STS: variants seen among roughly 807,000 people sequenced by gnomAD.
STS encodes steryl-sulfatase.
A neutral mutation model predicts 26.8 loss-of-function variants in STS; 7 were observed. That is an observed-to-expected ratio of 0.26 (90% confidence interval 0.15 to 0.49). The LOEUF (loss-of-function observed/expected upper bound fraction) is 0.49. Ranked by LOEUF, STS falls within the 20% of genes least tolerant of loss-of-function variation. The pLI, the probability that STS is intolerant of heterozygous loss-of-function variation, is 0.98. For missense variants in STS, 434 were observed against 465.6 expected (o/e 0.93, Z 0.63); for synonymous variants, 199 against 189.4 (o/e 1.05, Z -0.42).
intron 6 of STS, among the ~76,000 whole-genome samples, chrX:7,261,703 C>T (rs1442275567): frequency 9.0e-6 from 1 of 111,634 alleles, no homozygotes; most frequent in Non-Finnish European, 1.9e-5. Context: ...CAGTGTCCTG[C>T]TACCCACAAC....
At chrX:7,155,015 G>A (rs2146956317) in intron 1 of STS, among the ~76,000 whole-genome samples, 1 of 112,099 alleles carries the variant, frequency 8.9e-6, no homozygotes, top group South Asian at 3.8e-4. Flanking sequence ...AACATCTGGA[G>A]GGAACAGAAA....
At chrX:7,227,918 C>T (rs756862961) in intron 2 of STS, among the ~76,000 whole-genome samples, 5 of 111,211 alleles carry the variant, frequency 4.5e-5, no homozygotes, top group African/African-American at 9.8e-5. Context: ...ACTTTTTGGT[C>T]GTATGAATTT....
At chrX:7,161,029 T>C (rs1933231452) in intron 1 of STS, among the ~76,000 whole-genome samples, 1 of 111,476 alleles carries the variant, frequency 9.0e-6, no homozygotes, top group Non-Finnish European at 1.9e-5. Context: ...GATCTCAGCT[T>C]ACCACAACCT....
In STS at chrX:7,349,907, C is replaced by G; in HGVS notation, c.1383C>G (p.Ala461=). 8.3e-7 allele frequency: 1 copy of G among 1,211,793 alleles called. No homozygotes were observed. Among genetic ancestry groups the G allele is most frequent in the Admixed American group, 2.2e-5 (1 of 46,060 alleles). The change falls in exon 11 of 11, where the codon GCC becomes GCG. Residue 461 remains alanine, a synonymous_variant. Transcript: ENST00000674429. ...HPQNSTSIWK[A]FFFTPNFNPV... ...CCACAGGCACATCCATCTGGAAGGC[C>G]TTTTTCTTCACCCCCAACTTCAACC...
chrX:7,332,455 C>A (rs899303492), intron 9 of STS, among the ~76,000 whole-genome samples: 2 of 107,127 alleles, frequency 1.9e-5, no homozygotes, highest in Non-Finnish European at 3.8e-5. Flanking sequence ...AAGCCAGATT[C>A]AAAAAGTAAA....
chrX:7,160,651 C>T (rs776456388), intron 1 of STS, among the ~76,000 whole-genome samples: 3 of 112,230 alleles, frequency 2.7e-5, no homozygotes, highest in South Asian at 7.5e-4. Flanking sequence ...GAGTTAGATA[C>T]GATGTCTATG....
At chrX:7,274,125 G>T (rs1455385872) in intron 6 of STS, among the ~76,000 whole-genome samples, 1 of 111,618 alleles carries the variant, frequency 9.0e-6, no homozygotes, top group African/African-American at 3.3e-5. Flanking sequence ...GCTGGGCTGT[G>T]TGAGAGTATT....
intron 8 of STS, among the ~76,000 whole-genome samples, chrX:7,321,842 G>T (rs755748971): frequency 2.4e-4 from 27 of 112,021 alleles, no homozygotes; most frequent in African/African-American, 8.4e-4. Flanking sequence ...GCCCTATGCT[G>T]TCTTTGTCAT....
intron 9 of STS, among the ~76,000 whole-genome samples, chrX:7,325,764 T>C (rs1394282534): frequency 8.9e-6 from 1 of 111,939 alleles, no homozygotes; most frequent in Non-Finnish European, 1.9e-5. Context: ...GTATGGGCAG[T>C]GTGTAGAAGT....
intron 2 of STS, among the ~76,000 whole-genome samples, chrX:7,195,526 C>T (rs1446431043): frequency 8.9e-6 from 1 of 112,448 alleles, no homozygotes; most frequent in African/African-American, 3.2e-5. Context: ...TAACTTTGTT[C>T]TATGTTTTAA....
intron 2 of STS, among the ~76,000 whole-genome samples, chrX:7,204,885 C>G (rs1298940565): frequency 9.3e-6 from 1 of 107,901 alleles, no homozygotes; most frequent in Non-Finnish European, 1.9e-5. Flanking sequence ...CCTTCCTTTC[C>G]CTTATTCCTC....
At position 7,350,345 on chromosome X, in the gene STS, A is replaced by G. The variant is rs1395999252; in HGVS notation, c.*84A>G. ...CGCCTGAGAGTGGCACTGGGGAAAC[A>G]TAACTCCATCTACACCTTGGATTTG... On this transcript the variant is annotated 3_prime_UTR_variant, in exon 11 of 11. Transcript: ENST00000674429. 4 of 1,107,186 alleles carry G rather than the reference A, an allele frequency of 3.6e-6. No individual in the cohort carries two copies. Among genetic ancestry groups the G allele is most frequent in the East Asian group, 6.5e-5 (2 of 30,578 alleles). 91.2% of individuals were successfully genotyped at this position (1,107,186 alleles called of 1,213,427 possible).
At chrX:7,319,842 T>A in intron 8 of STS, among the ~76,000 whole-genome samples, 1 of 105,194 alleles carries the variant, frequency 9.5e-6, no homozygotes, top group Admixed American at 1.1e-4. Flanking sequence ...AAACCTGGAT[T>A]TCTATCTGTA....
Position 7,350,337 on chromosome X carries a change from GGGGAAACA to G in STS, c.*77_*84del, listed in dbSNP as rs1928744265. 1 of 1,122,993 alleles carries G rather than the reference GGGGAAACA, an allele frequency of 8.9e-7. No homozygotes were observed. The highest frequency in any genetic ancestry group is 2.0e-5 in the South Asian group (1 of 51,200). The allele number at this position is 1,122,993 out of a possible 1,213,427, so 92.5% of individuals were successfully genotyped here. A position where few individuals can be genotyped will look rare whatever the true frequency, so the allele number is the denominator to read the frequency against. ...TACAAACACGCCTGAGAGTGGCACTGGGGAAACATAACTCCATCTACACCTTGGATTTG... is the reference window on the plus strand; with the variant it reads ...TACAAACACGCCTGAGAGTGGCACTGTAACTCCATCTACACCTTGGATTTG... On this transcript the variant is annotated 3_prime_UTR_variant, in exon 11 of 11. Coordinates refer to ENST00000674429, the MANE Select transcript of STS (RefSeq NM_001320752.2).
At chrX:7,319,389 G>A (rs1926855546) in intron 8 of STS, among the ~76,000 whole-genome samples, 1 of 109,831 alleles carries the variant, frequency 9.1e-6, no homozygotes, top group African/African-American at 3.3e-5. Flanking sequence ...TTGAACTCCT[G>A]GTCTCAAGCA....
chrX:7,205,749 G>A (rs1934210693), intron 2 of STS, among the ~76,000 whole-genome samples: 1 of 106,141 alleles, frequency 9.4e-6, no homozygotes, highest in African/African-American at 3.5e-5. Flanking sequence ...GGGCTCAAGT[G>A]GTCCTCTCAC....
chrX:7,275,426 A>G (rs1924480779), intron 6 of STS, among the ~76,000 whole-genome samples: 1 of 111,674 alleles, frequency 9.0e-6, no homozygotes, highest in Non-Finnish European at 1.9e-5. Flanking sequence ...AATTATTTGT[A>G]TATATCAAAT....
intron 1 of STS, among the ~76,000 whole-genome samples, chrX:7,179,426 G>A (rs1933640352): frequency 9.1e-6 from 1 of 110,174 alleles, no homozygotes; most frequent in Admixed American, 9.7e-5. Context: ...GCTTTCTCTA[G>A]TCCTCATAAA....
intron 6 of STS, among the ~76,000 whole-genome samples, chrX:7,275,105 CAG>C (rs1200522085): frequency 9.3e-6 from 1 of 107,760 alleles, no homozygotes; most frequent in African/African-American, 3.4e-5. Context: ...CTCCTAGAAG[CAG>C]AGAGTAGAAT....
Sources: allele counts gnomAD v4.1 joint callset (sites outside exome capture counted in the v4.1 genomes callset), GRCh38; gene constraint gnomAD v4.1.1; transcripts MANE v1.5; gene names NCBI Gene and HGNC (gene_info 2026-07-23, HGNC 2026-07-21).